The following SYNE1 variants were observed in gnomAD, a reference collection of about 807,000 sequenced individuals.
The protein encoded by SYNE1 is nesprin-1.
In SYNE1, 616 loss-of-function variants were observed where a neutral mutation model predicts 1,111.0. The observed-to-expected ratio is 0.55, with a 90% CI of 0.52 to 0.59. The LOEUF (loss-of-function observed/expected upper bound fraction) is 0.59, where lower values mean the gene tolerates loss of function less well. SYNE1 is among the 20% of genes least tolerant of loss of function. The probability of loss-of-function intolerance (pLI) is 0.00; values close to 1 mark genes in which losing one functional copy is unlikely to be tolerated. For missense variants in SYNE1, 10,006 were observed against 10,417.0 expected, an observed-to-expected ratio of 0.96 and a Z score of 1.72; for synonymous variants, 3,855 against 3,825.8, an observed-to-expected ratio of 1.01 and a Z score of -0.28.
intron 52 of SYNE1, 65 bp from the exon 53 acceptor site, chr6:152,390,517 G>A (rs1004912300): frequency 6.5e-7 from 1 of 1,542,120 alleles, no homozygotes; most frequent in South Asian, 1.1e-5. Context: ...TTAAAAAAAT[G>A]GTAGTTTTCC....
At chr6:152,426,482 G>T (rs574732992) in intron 38 of SYNE1, among the ~76,000 whole-genome samples, 15 of 152,346 alleles carry the variant, frequency 9.8e-5, no homozygotes, top group Admixed American at 9.1e-4. Context: ...CCTTACTGAC[G>T]CAATGTCAGG....
At chr6:152,398,481 G>A (rs989158638) in intron 49 of SYNE1, 138 bp downstream of exon 49, 1 of 739,714 alleles carries the variant, frequency 1.4e-6, no homozygotes, top group Admixed American at 2.0e-5. Context: ...ATTTCCTTCT[G>A]ACTCAATCAG....
At chr6:152,324,821 G>A (rs1197403044) in intron 81 of SYNE1, among the ~76,000 whole-genome samples, 1 of 152,156 alleles carries the variant, frequency 6.6e-6, no homozygotes, top group African/African-American at 2.4e-5. Flanking sequence ...GAAAGCAAAT[G>A]GGGCAAAATG....
intron 8 of SYNE1, among the ~76,000 whole-genome samples, chr6:152,508,974 T>C (rs1052578249): frequency 6.6e-6 from 1 of 152,204 alleles, no homozygotes. Context: ...GAACTCCCTA[T>C]GTTTAGTACC....
chr6:152,609,620 G>A (rs115559999), intron 3 of SYNE1, among the ~76,000 whole-genome samples: 9,267 of 152,192 alleles, frequency 0.061, 427 homozygotes, highest in East Asian at 0.17. Context: ...GACAGCGGTG[G>A]TTCTCCCAGC....
At chr6:152,504,362 G>C (rs1446976050) in intron 9 of SYNE1, among the ~76,000 whole-genome samples, 3 of 152,120 alleles carry the variant, frequency 2.0e-5, no homozygotes, top group African/African-American at 7.2e-5. Flanking sequence ...GGAAACACAA[G>C]TCTATCCTCT....
At chr6:152,581,792 G>A (rs1003859340) in intron 3 of SYNE1, among the ~76,000 whole-genome samples, 13 of 152,112 alleles carry the variant, frequency 8.5e-5, no homozygotes, top group African/African-American at 3.1e-4. Context: ...CCAGTGGTGG[G>A]ATCCAGGGTT....
Position 152,293,567 on chromosome 6 carries a change from TG to T in SYNE1, c.18012+20del. The T allele has an allele frequency of 1.2e-6, 2 of 1,613,746 alleles. No homozygotes were observed. Among genetic ancestry groups the T allele is most frequent in the South Asian group, 2.2e-5 (2 of 91,060 alleles). On this transcript the variant is annotated intron_variant, in intron 95 of 145. Coordinates refer to ENST00000367255, the MANE Select transcript of SYNE1 (RefSeq NM_182961.4). Reference sequence around the variant, plus strand: ...TGCCTTATTCAATCAAGTAGGAAACTGAAGTCATGGCTATTTGTACCTGATG... The same window carrying T: ...TGCCTTATTCAATCAAGTAGGAAACTAAGTCATGGCTATTTGTACCTGATG...
intron 4 of SYNE1, among the ~76,000 whole-genome samples, chr6:152,537,941 C>T (rs746358306): frequency 1.4e-4 from 21 of 152,102 alleles, no homozygotes; most frequent in Admixed American, 1.2e-3. Context: ...AACTCATAAA[C>T]GGTTTGGTTG....
rs1452109434 is a variant in SYNE1, at chr6:152,637,284, C to G, written c.-487G>C. 6.6e-6 allele frequency: 1 copy of G among 152,312 alleles called. No individual in the cohort carries two copies. Among genetic ancestry groups the G allele is most frequent in the Non-Finnish European group, 1.5e-5 (1 of 68,106 alleles). The allele number at this position is 152,312 out of a possible 1,614,324, so 9.4% of individuals were successfully genotyped here. Reference sequence around the variant, plus strand: ...GAGCCTTTATACCGGGACCACCTCCCGGGGGTCGAGGTGGGAAGGAAATGT... The same window carrying G: ...GAGCCTTTATACCGGGACCACCTCCGGGGGGTCGAGGTGGGAAGGAAATGT... On this transcript the variant is annotated 5_prime_UTR_variant, in exon 1 of 146. Coordinates refer to ENST00000367255, the MANE Select transcript of SYNE1 (RefSeq NM_182961.4).
chr6:152,329,852 T>G lies in SYNE1; in HGVS notation c.14833A>C (p.Ser4945Arg), dbSNP rs2096203231. 6.2e-7 allele frequency: 1 copy of G among 1,614,078 alleles called. No homozygotes were observed. Among genetic ancestry groups the G allele is most frequent in the Admixed American group, 1.7e-5 (1 of 60,000 alleles). The change falls in exon 78 of 146, where the codon AGT becomes CGT. Residue 4945 changes from serine (S) to arginine (R), a missense_variant. Transcript: ENST00000367255. ...QSSLRIMNAL[S>R]HKEKEKFTKA... ...GTGAACTTCTCCTTTTCCTTGTGAC[T>G]CAGCGCATTCATGATTCTCAAGCTG...
At position 152,373,211 on chromosome 6, in the gene SYNE1, C is replaced by A; in HGVS notation, c.9333G>T (p.Leu3111Phe). The A allele has an allele frequency of 6.2e-7, 1 of 1,610,604 alleles. No homozygotes were observed. The highest frequency in any genetic ancestry group is 1.7e-5 in the Admixed American group (1 of 59,550). Reference sequence around the variant, plus strand: ...TGTGCTGTCCATTTTCACTTTCTGACAAAAACTCCTATAAAAGAAAATATA... The same window carrying A: ...TGTGCTGTCCATTTTCACTTTCTGAAAAAAACTCCTATAAAAGAAAATATA... ...STSLQKIQEFLSESENGQHKL... is the reference protein window; with the variant it reads ...STSLQKIQEFFSESENGQHKL... The change falls in exon 59 of 146, where the codon TTG (leucine) becomes TTT (phenylalanine). Residue 3111 changes from leucine (L) to phenylalanine (F), a missense_variant. Physicochemically the swap from Leu to Phe is conservative, Grantham distance 22. This residue lies in a region of SYNE1 where 4,955 missense variants were observed against 5,017.2 expected (regional missense o/e 0.99). Transcript: ENST00000367255.
At chr6:152,168,372 G>A in intron 130 of SYNE1, 1 of 577,584 alleles carries the variant, frequency 1.7e-6, no homozygotes, top group South Asian at 2.3e-5. Context: ...AAGTGGTCAT[G>A]TTTCTAAATA....
rs530892317 is a variant in SYNE1 at position 152,355,109 on chromosome 6, T to TAC, written c.10609-135_10609-134dup. 102 of 921,936 alleles carry TAC rather than the reference T, an allele frequency of 1.1e-4. No individual in the cohort carries two copies. The East Asian group carries it at 1.9e-3, about 17-fold the overall frequency. 57.1% of individuals were successfully genotyped at this position (921,936 alleles called of 1,614,324 possible). A position where few individuals can be genotyped will look rare whatever the true frequency, so the allele number is the denominator to read the frequency against. ...AAAATGATTTTATTATTATGCCCTATACAAAAATATGTCCCTAACCATATT... is the reference window on the plus strand; with the variant it reads ...AAAATGATTTTATTATTATGCCCTATACACAAAAATATGTCCCTAACCATATT... On this transcript the variant is annotated intron_variant, in intron 66 of 145. Coordinates refer to ENST00000367255, the MANE Select transcript of SYNE1 (RefSeq NM_182961.4).
In SYNE1 at chr6:152,256,362, G is replaced by A. The variant is rs189782985; in HGVS notation, c.19104+272C>T. Among the ~76,000 whole-genome samples, 11 of 152,100 alleles carry A rather than the reference G, an allele frequency of 7.2e-5. No homozygotes were observed. The East Asian group carries it at 1.7e-3, about 24-fold the overall frequency. ...GGAGAATCCCTTGAACCCAGGAGGCGGAGGTTGCAATGAGCCGAGATTGCA... is the reference window on the plus strand; with the variant it reads ...GGAGAATCCCTTGAACCCAGGAGGCAGAGGTTGCAATGAGCCGAGATTGCA... On this transcript the variant is annotated intron_variant, in intron 102 of 145. Coordinates refer to ENST00000367255, the MANE Select transcript of SYNE1 (RefSeq NM_182961.4).
In SYNE1 at chr6:152,462,095, TAAA is replaced by T. The variant is rs35271364; in HGVS notation, c.2251-358_2251-356del. ...CTTTAAAAATTAGACTGGTTTTCGT[TAAA>T]AAAAAAAAAAGTAACTCATTGCCAT... On this transcript the variant is annotated intron_variant, in intron 20 of 145. Transcript: ENST00000367255. Among the ~76,000 whole-genome samples, 548 of 147,418 alleles carry T rather than the reference TAAA, an allele frequency of 3.7e-3. 13 individuals carry two copies. In the East Asian group the frequency reaches 0.054, roughly 15 times the overall value.
intron 22 of SYNE1, among the ~76,000 whole-genome samples, chr6:152,456,490 C>CTATATATA (rs139681123): frequency 1.4e-3 from 210 of 148,096 alleles, no homozygotes; most frequent in South Asian, 2.3e-3. Context: ...AAGAGATGCA[C>CTATATATA]TATATATATA....
intron 14 of SYNE1, chr6:152,480,795 C>G: frequency 2.2e-6 from 1 of 456,002 alleles, no homozygotes; most frequent in South Asian, 1.5e-5. Flanking sequence ...CAGTCTAGTC[C>G]TTTCTGGGTT....
chr6:152,222,094 CT>C (rs1200322301), intron 117 of SYNE1, among the ~76,000 whole-genome samples: 2 of 152,302 alleles, frequency 1.3e-5, no homozygotes, highest in East Asian at 3.9e-4. Context: ...AAGTTTAAGT[CT>C]TAGCCAACTG....
Sources: gnomAD v4.1 joint callset for allele counts (sites outside exome capture counted in the v4.1 genomes callset) on GRCh38, gnomAD v4.1.1 for gene constraint, gnomAD v4.1.1 regional missense constraint, MANE v1.5 for transcripts, NCBI Gene and HGNC (gene_info 2026-07-23, HGNC 2026-07-21) for gene names.